NPSR1: variants seen among roughly 807,000 people sequenced by gnomAD.
NPSR1 encodes the protein neuropeptide S receptor 1, also known as neuropeptide S receptor.
In NPSR1, 48 loss-of-function variants were observed where a neutral mutation model predicts 46.9. The observed-to-expected ratio is 1.02, with a 90% CI of 0.81 to 1.30. NPSR1 has a LOEUF of 1.30. Among genes scored for constraint, NPSR1 ranks in the 50% most tolerant of loss-of-function variants. NPSR1 has a pLI of 0.00. For synonymous variants in NPSR1, 176 were observed against 168.1 expected (o/e 1.05, Z -0.36); for missense variants, 450 against 449.5 (o/e 1.00, Z -0.01).
intron 1 of NPSR1, among the ~76,000 whole-genome samples, chr7:34,671,238 G>C (rs1029677277): frequency 3.3e-5 from 5 of 152,004 alleles, no homozygotes; most frequent in African/African-American, 9.7e-5. Context: ...AAATATAGAA[G>C]AAACAAATAC....
intron 3 of NPSR1, among the ~76,000 whole-genome samples, chr7:34,778,867 C>A (rs184293894): frequency 1.3e-5 from 2 of 152,190 alleles, no homozygotes; most frequent in Non-Finnish European, 2.9e-5. Flanking sequence ...TGTGGATAAT[C>A]TCCAAAAAGT....
chr7:34,759,471 C>G (rs914237386), intron 2 of NPSR1, among the ~76,000 whole-genome samples: 1 of 152,110 alleles, frequency 6.6e-6, no homozygotes, highest in Non-Finnish European at 1.5e-5. Flanking sequence ...AGCAAGAGCC[C>G]TACAATTTGG....
At chr7:34,792,032 C>G (rs974134393) in intron 3 of NPSR1, among the ~76,000 whole-genome samples, 7 of 152,050 alleles carry the variant, frequency 4.6e-5, no homozygotes, top group Non-Finnish European at 1.0e-4. Flanking sequence ...TGCAATTTAA[C>G]CCTTAACTTA....
At chr7:34,792,643 ATATATATATGTATATATATATT>A (rs1486460890) in intron 3 of NPSR1, among the ~76,000 whole-genome samples, 5 of 91,530 alleles carry the variant, frequency 5.5e-5, no homozygotes, top group East Asian at 3.1e-4. Flanking sequence ...GTGTATGTGT[ATATATATATGTATATATATATT>A]TATATATATG....
At chr7:34,678,782 C>T (rs1197257753) in intron 1 of NPSR1, among the ~76,000 whole-genome samples, 2 of 148,466 alleles carry the variant, frequency 1.3e-5, no homozygotes, top group Non-Finnish European at 3.0e-5. Context: ...GCCGAGATTG[C>T]GCCACTGCAC....
chr7:34,874,725 A>T (rs1791536916), intron 8 of NPSR1, among the ~76,000 whole-genome samples: 1 of 152,146 alleles, frequency 6.6e-6, no homozygotes, highest in Non-Finnish European at 1.5e-5. Context: ...AGAATAATTT[A>T]AAGTGAGCAG....
At chr7:34,755,188 A>G (rs1479227074) in intron 2 of NPSR1, among the ~76,000 whole-genome samples, 1 of 152,170 alleles carries the variant, frequency 6.6e-6, no homozygotes, top group Non-Finnish European at 1.5e-5. Context: ...TTAGCATTCT[A>G]AGCAACTACA....
intron 3 of NPSR1, among the ~76,000 whole-genome samples, chr7:34,785,237 C>T (rs372652312): frequency 2.7e-4 from 41 of 151,672 alleles, no homozygotes; most frequent in Middle Eastern, 3.4e-3. Context: ...TGTAGGGACA[C>T]GGATGAAATT....
At chr7:34,728,092 T>C (rs1784252139) in intron 2 of NPSR1, among the ~76,000 whole-genome samples, 1 of 151,964 alleles carries the variant, frequency 6.6e-6, no homozygotes, top group African/African-American at 2.4e-5. Flanking sequence ...TTATTATTAT[T>C]ATACTTTAAG....
At chr7:34,839,156 A>G (rs928508748) in intron 6 of NPSR1, among the ~76,000 whole-genome samples, 1 of 152,242 alleles carries the variant, frequency 6.6e-6, no homozygotes, top group African/African-American at 2.4e-5. Flanking sequence ...AATTAACTAC[A>G]TTTAATAAAA....
chr7:34,855,428 A>G (rs1032348020), intron 8 of NPSR1, among the ~76,000 whole-genome samples: 3 of 152,148 alleles, frequency 2.0e-5, no homozygotes, highest in Non-Finnish European at 4.4e-5. Flanking sequence ...TATAGATCCT[A>G]GAGTCAATCA....
At chr7:34,788,343 GAAGA>G (rs995739541) in intron 3 of NPSR1, among the ~76,000 whole-genome samples, 3 of 150,530 alleles carry the variant, frequency 2.0e-5, no homozygotes, top group Non-Finnish European at 4.4e-5. Context: ...AGGAAAAATA[GAAGA>G]AAGGAAAAAA....
At chr7:34,814,228 C>G (rs780657155) in intron 4 of NPSR1, among the ~76,000 whole-genome samples, 1 of 152,238 alleles carries the variant, frequency 6.6e-6, no homozygotes, top group African/African-American at 2.4e-5. Context: ...GATTTAGAAA[C>G]GAGCAGACAA....
intron 8 of NPSR1, among the ~76,000 whole-genome samples, chr7:34,858,860 TC>T (rs67708039): frequency 3.5e-4 from 53 of 151,516 alleles, no homozygotes; most frequent in Middle Eastern, 3.4e-3. Context: ...CAGGATGAGA[TC>T]TGGGGGGGGG....
chr7:34,692,441 C>A (rs965588793), intron 2 of NPSR1, among the ~76,000 whole-genome samples: 1 of 152,094 alleles, frequency 6.6e-6, no homozygotes, highest in African/African-American at 2.4e-5. Context: ...GCAATTTGCT[C>A]CTGAATGGCC....
intron 5 of NPSR1, 40 bp downstream of exon 5, chr7:34,827,642 G>A (rs776967727): frequency 6.6e-6 from 4 of 605,468 alleles, no homozygotes; most frequent in South Asian, 2.9e-5. Flanking sequence ...GGGGGGTGGG[G>A]CGGGGGGGGC....
chr7:34,778,447 G>C lies in NPSR1; in HGVS notation c.281-15G>C, dbSNP rs760007711. On this transcript the variant is annotated splice_polypyrimidine_tract_variant and intron_variant, in intron 2 of 8. Coordinates refer to ENST00000360581, the MANE Select transcript of NPSR1 (RefSeq NM_207172.2). ...AAATAAACCCTGAATGTAAGCACTTGTACGTTTTTGTTAGATTCTTTCACA... is the reference window on the plus strand; with the variant it reads ...AAATAAACCCTGAATGTAAGCACTTCTACGTTTTTGTTAGATTCTTTCACA... 4.2e-6 allele frequency: 6 copies of C among 1,438,372 alleles called. No homozygotes were observed. The highest frequency in any genetic ancestry group is 5.9e-6 in the Non-Finnish European group (6 of 1,024,904). The allele number at this position is 1,438,372 out of a possible 1,614,324, so 89.1% of individuals were successfully genotyped here. A position where few individuals can be genotyped will look rare whatever the true frequency, so the allele number is the denominator to read the frequency against.
intron 2 of NPSR1, among the ~76,000 whole-genome samples, chr7:34,755,006 C>T (rs1373293652): frequency 1.3e-5 from 2 of 152,000 alleles, no homozygotes; most frequent in East Asian, 3.9e-4. Context: ...GGATATAGCA[C>T]ATTTTGTTTA....
chr7:34,821,872 TC>T (rs1789576063), intron 4 of NPSR1, among the ~76,000 whole-genome samples: 1 of 152,162 alleles, frequency 6.6e-6, no homozygotes, highest in Non-Finnish European at 1.5e-5. Flanking sequence ...ATCAGTAGCT[TC>T]TGGGAAAGAT....
Sources: allele counts gnomAD v4.1 joint callset (sites outside exome capture counted in the v4.1 genomes callset), GRCh38; gene constraint gnomAD v4.1.1; transcripts MANE v1.5; gene names NCBI Gene and HGNC (gene_info 2026-07-23, HGNC 2026-07-21).